WDFY3: variants seen among roughly 807,000 people sequenced by gnomAD.
WDFY3 encodes the protein WD repeat and FYVE domain containing 3.
A neutral mutation model predicts 409.6 loss-of-function variants in WDFY3; 66 were observed. The observed-to-expected ratio is 0.16, with a 90% CI of 0.13 to 0.20. WDFY3 has a LOEUF of 0.20. WDFY3 is among the 10% of genes least tolerant of loss of function. WDFY3 has a pLI of 1.00. For missense variants in WDFY3, 3,031 were observed against 4,298.1 expected, an observed-to-expected ratio of 0.71 and a Z score of 8.24; for synonymous variants, 1,521 against 1,537.1, an observed-to-expected ratio of 0.99 and a Z score of 0.25.
chr4:84,948,367 C>T (rs1475547122), intron 1 of WDFY3, among the ~76,000 whole-genome samples: 1 of 151,974 alleles, frequency 6.6e-6, no homozygotes, highest in African/African-American at 2.4e-5. Flanking sequence ...TCTCGTGATG[C>T]CATACCAATG....
At chr4:84,805,055 T>C (rs1751288418) in intron 15 of WDFY3, among the ~76,000 whole-genome samples, 1 of 152,196 alleles carries the variant, frequency 6.6e-6, no homozygotes, top group African/African-American at 2.4e-5. Flanking sequence ...TGACCTTATA[T>C]GATGGATCAG....
chr4:84,672,578 G>A lies in WDFY3; in HGVS notation c.*290C>T, dbSNP rs952406244. 1.3e-5 allele frequency: 3 copies of A among 229,192 alleles called. No homozygotes were observed. Among genetic ancestry groups the A allele is most frequent in the Non-Finnish European group, 2.5e-5 (3 of 118,588 alleles). The allele number at this position is 229,192 out of a possible 1,614,324, so 14.2% of individuals were successfully genotyped here. On this transcript the variant is annotated 3_prime_UTR_variant, in exon 68 of 68. Transcript: ENST00000295888. ...ATGCAAGAAAAGAGAGTTAATAAGTGAGGATTTTTCTCTTGGAGACAGCTA... is the reference window on the plus strand; with the variant it reads ...ATGCAAGAAAAGAGAGTTAATAAGTAAGGATTTTTCTCTTGGAGACAGCTA...
intron 3 of WDFY3, among the ~76,000 whole-genome samples, chr4:84,893,341 A>G (rs1298591901): frequency 6.6e-6 from 1 of 152,208 alleles, no homozygotes; most frequent in Non-Finnish European, 1.5e-5. Context: ...AGATATTTGC[A>G]TACTTCCCAA....
rs772627193 is a variant in WDFY3, at chr4:84,803,471, T to C, written c.2430-4A>G. The C allele has an allele frequency of 2.5e-6, 4 of 1,598,040 alleles. No individual in the cohort carries two copies. Among genetic ancestry groups the C allele is most frequent in the African/African-American group, 1.3e-5 (1 of 74,144 alleles). On this transcript the variant is annotated splice_polypyrimidine_tract_variant and splice_region_variant and intron_variant, in intron 15 of 67. Coordinates refer to ENST00000295888, the MANE Select transcript of WDFY3 (RefSeq NM_014991.6). ...TGAAACAGAATGATATGCATGCCTA[T>C]AAAAAAAGAAAGAGTAAATTTGGTA...
intron 10 of WDFY3, among the ~76,000 whole-genome samples, chr4:84,822,800 C>T (rs916838796): frequency 6.6e-6 from 1 of 152,122 alleles, no homozygotes; most frequent in Admixed American, 6.6e-5. Context: ...AAAAAATCTC[C>T]AGCCTATATA....
chr4:84,844,401 T>A lies in WDFY3; in HGVS notation c.305-3138A>T. ...GAAAAACAATATTAGAACTCACAGCTTCCATGCTTCTTTTCATTTGACAAT... is the reference window on the plus strand; with the variant it reads ...GAAAAACAATATTAGAACTCACAGCATCCATGCTTCTTTTCATTTGACAAT... On this transcript the variant is annotated intron_variant, in intron 5 of 67. Transcript: ENST00000295888. 3 of 1,276,532 alleles carry A rather than the reference T, an allele frequency of 2.4e-6. No individual in the cohort carries two copies. The South Asian group carries it at 3.8e-5, about 16-fold the overall frequency. 79.1% of individuals were successfully genotyped at this position (1,276,532 alleles called of 1,614,324 possible). A position where few individuals can be genotyped will look rare whatever the true frequency, so the allele number is the denominator to read the frequency against.
intron 62 of WDFY3, among the ~76,000 whole-genome samples, chr4:84,686,083 A>T (rs189900601): frequency 3.3e-5 from 5 of 152,318 alleles, no homozygotes; most frequent in Admixed American, 6.5e-5. Context: ...AGGCGGGCAG[A>T]TCACAAGGTC....
intron 7 of WDFY3, among the ~76,000 whole-genome samples, chr4:84,831,883 T>G (rs369750266): frequency 6.6e-6 from 1 of 152,168 alleles, no homozygotes; most frequent in African/African-American, 2.4e-5. Context: ...CTATATACTG[T>G]TGGTGAGAAT....
chr4:84,722,191 T>C (rs1734961322), intron 46 of WDFY3, among the ~76,000 whole-genome samples: 1 of 151,980 alleles, frequency 6.6e-6, no homozygotes, highest in Admixed American at 6.6e-5. Context: ...AGTTTGAGAC[T>C]AGCCTGGGCA....
rs577865232 is a variant in WDFY3, at chr4:84,675,896, A to G, written c.10457+1303T>C. ...CCACTGACCTTTCATATGGGGGAAAAATAGATCCTCGCCTCATGTTATACC... is the reference window on the plus strand; with the variant it reads ...CCACTGACCTTTCATATGGGGGAAAGATAGATCCTCGCCTCATGTTATACC... On this transcript the variant is annotated intron_variant, in intron 67 of 67. Coordinates refer to ENST00000295888, the MANE Select transcript of WDFY3 (RefSeq NM_014991.6). Among the ~76,000 whole-genome samples, 6 of 152,316 alleles carry G rather than the reference A, an allele frequency of 3.9e-5. No homozygotes were observed. The East Asian group carries it at 1.2e-3, about 29-fold the overall frequency.
At chr4:84,720,456 C>A (rs1217316093) in intron 47 of WDFY3, among the ~76,000 whole-genome samples, 1 of 152,012 alleles carries the variant, frequency 6.6e-6, no homozygotes, top group Non-Finnish European at 1.5e-5. Flanking sequence ...CATATGTGTC[C>A]CCTCCACATC....
rs1733612874 is a variant in WDFY3, at chr4:84,714,984, T to C, written c.7961+314A>G. Among the ~76,000 whole-genome samples, 3 of 151,036 alleles carry C rather than the reference T, an allele frequency of 2.0e-5. No homozygotes were observed. The South Asian group carries it at 6.3e-4, about 32-fold the overall frequency. On this transcript the variant is annotated intron_variant, in intron 50 of 67. Coordinates refer to ENST00000295888, the MANE Select transcript of WDFY3 (RefSeq NM_014991.6). Reference sequence around the variant, plus strand: ...AAAAAAGAAGAAGAAAAAAAGAAACTAAAGTTTTATTTTTAAAGCTACAGT... The same window carrying C: ...AAAAAAGAAGAAGAAAAAAAGAAACCAAAGTTTTATTTTTAAAGCTACAGT...
At chr4:84,700,779 T>C (rs1380755802) in intron 56 of WDFY3, among the ~76,000 whole-genome samples, 2 of 152,160 alleles carry the variant, frequency 1.3e-5, no homozygotes, top group African/African-American at 4.8e-5. Flanking sequence ...GGCAACGTTC[T>C]CCAAAGTTGA....
At chr4:84,716,519 G>A (rs1034309031) in intron 49 of WDFY3, among the ~76,000 whole-genome samples, 9 of 142,328 alleles carry the variant, frequency 6.3e-5, no homozygotes, top group East Asian at 2.2e-4. Flanking sequence ...ATTTTCGGCC[G>A]GGCGCGGTGG....
chr4:84,817,272 A>C, intron 13 of WDFY3, 120 bp downstream of exon 13: 1 of 1,238,928 alleles, frequency 8.1e-7, no homozygotes, highest in South Asian at 1.4e-5. Flanking sequence ...CAAAGTTGTG[A>C]GGTTTCTTGG....
In WDFY3 at chr4:84,671,389, C is replaced by T. The variant is rs966661004; in HGVS notation, c.*1479G>A. The T allele has an allele frequency of 2.6e-5, 4 of 152,338 alleles. No individual in the cohort carries two copies. The highest frequency in any genetic ancestry group is 9.7e-5 in the African/African-American group (4 of 41,346). The allele number at this position is 152,338 out of a possible 1,614,324, so 9.4% of individuals were successfully genotyped here. A position where few individuals can be genotyped will look rare whatever the true frequency, so the allele number is the denominator to read the frequency against. On this transcript the variant is annotated 3_prime_UTR_variant, in exon 68 of 68. Coordinates refer to ENST00000295888, the MANE Select transcript of WDFY3 (RefSeq NM_014991.6). Reference sequence around the variant, plus strand: ...GGCCTATCTTGGGCCATTAATGATTCTATATTTTTCAAATCACAGGGCTTT... The same window carrying T: ...GGCCTATCTTGGGCCATTAATGATTTTATATTTTTCAAATCACAGGGCTTT...
intron 6 of WDFY3, among the ~76,000 whole-genome samples, chr4:84,840,743 AT>A (rs34303681): frequency 0.02 from 2,781 of 141,530 alleles, 27 homozygotes; most frequent in Middle Eastern, 0.04. Context: ...CGCTCAGCTA[AT>A]TTTTTTTTTT....
intron 5 of WDFY3, among the ~76,000 whole-genome samples, chr4:84,842,093 G>C (rs1757438482): frequency 6.6e-6 from 1 of 152,118 alleles, no homozygotes; most frequent in African/African-American, 2.4e-5. Context: ...AAGAGTAAAT[G>C]GAGAAGTCTC....
chr4:84,809,748 T>C, intron 14 of WDFY3, 139 bp downstream of exon 14: 1 of 725,794 alleles, frequency 1.4e-6, no homozygotes, highest in Non-Finnish European at 2.1e-6. Flanking sequence ...TATTCAAAAA[T>C]AAAGTGATAC....
Sources: gnomAD v4.1 joint callset for allele counts (sites outside exome capture counted in the v4.1 genomes callset) on GRCh38, gnomAD v4.1.1 for gene constraint, MANE v1.5 for transcripts, NCBI Gene and HGNC (gene_info 2026-07-23, HGNC 2026-07-21) for gene names.